The following B4GALT1 variants were observed in gnomAD, a reference collection of about 807,000 sequenced individuals.
B4GALT1 encodes the protein N-acetyllactosamine synthase.
A neutral mutation model predicts 34.9 loss-of-function variants in B4GALT1; 16 were observed. That is an observed-to-expected ratio of 0.46 (90% CI 0.31 to 0.70). The LOEUF (loss-of-function observed/expected upper bound fraction) is 0.70, where lower values mean the gene tolerates loss of function less well. B4GALT1 is among the 30% of genes least tolerant of loss of function. The pLI is 0.05. For missense variants in B4GALT1, 445 were observed against 530.5 expected (o/e 0.84, Z 1.58); for synonymous variants, 221 against 218.1 (o/e 1.01, Z -0.12).
At chr9:33,175,751 A>AC in the B4GALT1 span, among the ~76,000 whole-genome samples, 3 of 152,260 alleles carry the variant, frequency 2.0e-5, no homozygotes, top group Non-Finnish European at 1.5e-5. Flanking sequence ...GCAATAGGCC[A>AC]TACCATATAA....
chr9:33,135,219 C>T lies in B4GALT1; in HGVS notation c.618G>A (p.Gln206=), dbSNP rs1386380106. 2 of 1,614,216 alleles carry T rather than the reference C, an allele frequency of 1.2e-6. No homozygotes were observed. The change falls in exon 2 of 6, where the codon CAG becomes CAA. Residue 206 remains glutamine (Q), a synonymous_variant. Coordinates refer to ENST00000379731, the MANE Select transcript of B4GALT1 (RefSeq NM_001497.4). ...TGATAACATAGATGCCATAGTCCAG[C>T]TGCTGGCGCTGCAGGACTGGGTGCA... is the stretch of plus-strand genomic sequence containing the variant. ...YYLHPVLQRQ[Q]LDYGIYVINQ... is the part of the protein sequence containing the mutation.
intron 1 of B4GALT1, among the ~76,000 whole-genome samples, chr9:33,145,527 G>A (rs1840412578): frequency 6.6e-6 from 1 of 152,084 alleles, no homozygotes; most frequent in African/African-American, 2.4e-5. Context: ...ACCTCAAAGG[G>A]CCAGGATCCA....
At chr9:33,135,493 G>A (rs1840255804) in intron 1 of B4GALT1, 69 bp from the exon 2 acceptor site, 2 of 1,473,162 alleles carry the variant, frequency 1.4e-6, no homozygotes, top group Admixed American at 3.6e-5. Flanking sequence ...GGCTGCATCA[G>A]ATGGCCAGGC....
At chr9:33,175,862 C>G in the B4GALT1 span, among the ~76,000 whole-genome samples, 1 of 152,132 alleles carries the variant, frequency 6.6e-6, no homozygotes, top group Admixed American at 6.5e-5. Flanking sequence ...GAAAGAATCC[C>G]CATGATTAAG....
upstream of B4GALT1, among the ~76,000 whole-genome samples, chr9:33,170,558 T>C (rs1840831285): frequency 6.6e-6 from 1 of 152,116 alleles, no homozygotes; most frequent in Admixed American, 6.5e-5. Context: ...GCGGGGGTTA[T>C]TAAGAATCAC....
intron 1 of B4GALT1, among the ~76,000 whole-genome samples, chr9:33,153,190 T>A (rs1209673065): frequency 6.6e-6 from 1 of 152,228 alleles, no homozygotes; most frequent in Non-Finnish European, 1.5e-5. Flanking sequence ...AGGGCTGGTA[T>A]GAGTGTGAGG....
downstream of B4GALT1, chr9:33,110,545 G>A (rs1400041195): frequency 6.6e-6 from 1 of 152,188 alleles, no homozygotes; most frequent in East Asian, 1.9e-4. Flanking sequence ...GGAGGCATGT[G>A]TATTTGTATG....
At chr9:33,136,005 T>C (rs968201408) in intron 1 of B4GALT1, among the ~76,000 whole-genome samples, 1 of 151,260 alleles carries the variant, frequency 6.6e-6, no homozygotes, top group Admixed American at 6.6e-5. Flanking sequence ...AGGAGTGGCA[T>C]GAGTGCCCAT....
chr9:33,131,112 A>C (rs1208389946), intron 2 of B4GALT1, among the ~76,000 whole-genome samples: 1 of 152,220 alleles, frequency 6.6e-6, no homozygotes, highest in Non-Finnish European at 1.5e-5. Context: ...CAGTCTGAGC[A>C]CACAGCACAC....
chr9:33,124,133 T>G (rs979903668), intron 2 of B4GALT1, among the ~76,000 whole-genome samples: 1 of 152,176 alleles, frequency 6.6e-6, no homozygotes, highest in Non-Finnish European at 1.5e-5. Context: ...AAGCATTTTC[T>G]AGGCTGCTTT....
chr9:33,128,152 G>A (rs931331679), intron 2 of B4GALT1, among the ~76,000 whole-genome samples: 2 of 152,158 alleles, frequency 1.3e-5, no homozygotes, highest in African/African-American at 2.4e-5. Flanking sequence ...GGTAGGTGGA[G>A]AATAAGAAGC....
intron 1 of B4GALT1, among the ~76,000 whole-genome samples, chr9:33,146,225 G>A (rs538674062): frequency 4.6e-4 from 70 of 152,240 alleles, no homozygotes; most frequent in African/African-American, 1.3e-3. Flanking sequence ...CACTCCTTCC[G>A]CTGGAATTTC....
At chr9:33,116,292 C>A (rs545762510) in intron 3 of B4GALT1, among the ~76,000 whole-genome samples, 179 bp from the exon 4 acceptor site, 1 of 152,034 alleles carries the variant, frequency 6.6e-6, no homozygotes, top group Non-Finnish European at 1.5e-5. Context: ...AGTGCAGGGG[C>A]GCGATCTAGG....
chr9:33,109,159 G>A (rs1018773259), downstream of B4GALT1, among the ~76,000 whole-genome samples: 3 of 152,240 alleles, frequency 2.0e-5, no homozygotes, highest in African/African-American at 7.2e-5. Context: ...GAAAAGGGCT[G>A]AAGGTTGAGC....
intron 2 of B4GALT1, among the ~76,000 whole-genome samples, chr9:33,124,344 G>C (rs1292984576): frequency 1.3e-5 from 2 of 152,184 alleles, no homozygotes; most frequent in African/African-American, 4.8e-5. Context: ...ATACACCACA[G>C]TGACAGACAC....
the B4GALT1 span, among the ~76,000 whole-genome samples, chr9:33,182,520 T>A: frequency 3.3e-5 from 5 of 152,106 alleles, no homozygotes; most frequent in African/African-American, 1.2e-4. Context: ...TGTATCAGAC[T>A]CCCCCTGGAC....
chr9:33,176,529 A>G, the B4GALT1 span, among the ~76,000 whole-genome samples: 1 of 152,182 alleles, frequency 6.6e-6, no homozygotes, highest in Non-Finnish European at 1.5e-5. Context: ...CAACCATAGA[A>G]AAGAACAAAA....
At chr9:33,131,789 T>C (rs1171530116) in intron 2 of B4GALT1, among the ~76,000 whole-genome samples, 2 of 152,210 alleles carry the variant, frequency 1.3e-5, no homozygotes, top group Non-Finnish European at 2.9e-5. Flanking sequence ...ATAAAACAGA[T>C]AACACAGGCA....
chr9:33,124,364 T>C (rs1840064259), intron 2 of B4GALT1, among the ~76,000 whole-genome samples: 1 of 152,224 alleles, frequency 6.6e-6, no homozygotes, highest in Admixed American at 6.5e-5. Flanking sequence ...CATGCATTTT[T>C]AATCCCAGGA....
Sources: gnomAD v4.1 joint callset for allele counts (sites outside exome capture counted in the v4.1 genomes callset) on GRCh38, gnomAD v4.1.1 for gene constraint, MANE v1.5 for transcripts, NCBI Gene and HGNC (gene_info 2026-07-23, HGNC 2026-07-21) for gene names.